PRAG1: variants seen among roughly 807,000 people sequenced by gnomAD.
The protein encoded by PRAG1 is PEAK1 related, kinase-activating pseudokinase 1, also known as inactive tyrosine-protein kinase PRAG1.
In PRAG1, 110 loss-of-function variants were observed where a neutral mutation model predicts 95.6. The ratio of observed to expected loss-of-function variants is 1.15; its 90% CI spans 0.99 to 1.35. PRAG1 has a LOEUF of 1.35. PRAG1 is among the 40% of genes most tolerant of loss of function. PRAG1 has a pLI of 0.00. For synonymous variants in PRAG1, 1,052 were observed against 819.4 expected (o/e 1.28, Z -4.85); for missense variants, 2,554 against 1,864.7 (o/e 1.37, Z -6.81).
intron 3 of PRAG1, among the ~76,000 whole-genome samples, chr8:8,363,333 G>T (rs756643296): frequency 6.6e-6 from 1 of 152,086 alleles, no homozygotes; most frequent in Non-Finnish European, 1.5e-5. Context: ...GACCAAATAT[G>T]TATTTCACAA....
Position 8,378,013 on chromosome 8 carries a change from G to T in PRAG1, c.396C>A (p.Tyr132Ter), listed in dbSNP as rs55993234. Residue 132 changes from tyrosine (Y) to a stop codon, truncating the protein, a stop_gained, in exon 3 of 6, where the codon TAC (tyrosine) becomes TAA (stop). Coordinates refer to ENST00000615670, the MANE Select transcript of PRAG1 (RefSeq NM_001080826.3). LOFTEE classifies it high-confidence loss of function. ...TCTGTACACCTCGGAAGCTGCCCAG[G>T]TAGACGACGGGGGCATCCTCCTGCT... ...LPKQEDAPVV[Y>*]LGSFRGVQKP... 5 of 1,590,052 alleles carry T rather than the reference G, an allele frequency of 3.1e-6. No homozygotes were observed. In the South Asian group the frequency reaches 4.6e-5, roughly 15 times the overall value.
intron 4 of PRAG1, 70 bp downstream of exon 4, chr8:8,339,408 C>G: frequency 6.5e-7 from 1 of 1,528,598 alleles, no homozygotes; most frequent in Non-Finnish European, 9.0e-7. Context: ...TCCAATCCCG[C>G]AAGCAACGCA....
intron 3 of PRAG1, among the ~76,000 whole-genome samples, chr8:8,345,141 C>T (rs1367329891): frequency 6.7e-6 from 1 of 150,034 alleles, no homozygotes; most frequent in Non-Finnish European, 1.5e-5. Context: ...ATCTTAGTTT[C>T]TAAGCCACAA....
intron 3 of PRAG1, among the ~76,000 whole-genome samples, chr8:8,364,825 G>C (rs918074108): frequency 4.6e-5 from 7 of 152,072 alleles, no homozygotes; most frequent in Non-Finnish European, 2.9e-5. Flanking sequence ...CTCAGACCCT[G>C]AACTGTAAGG....
intron 1 of PRAG1, among the ~76,000 whole-genome samples, chr8:8,383,073 C>G (rs1015982804): frequency 6.6e-6 from 1 of 152,172 alleles, no homozygotes; most frequent in Non-Finnish European, 1.5e-5. Flanking sequence ...GGTTTTCTCT[C>G]CACTTTCCTC....
intron 3 of PRAG1, among the ~76,000 whole-genome samples, chr8:8,374,249 G>A (rs184743322): frequency 7.2e-5 from 11 of 152,362 alleles, no homozygotes; most frequent in Non-Finnish European, 1.3e-4. Flanking sequence ...AGGGACTGGA[G>A]ACTCAGTCAC....
chr8:8,384,574 G>A (rs1438777338), intron 1 of PRAG1, among the ~76,000 whole-genome samples: 1 of 131,114 alleles, frequency 7.6e-6, no homozygotes, highest in Non-Finnish European at 1.5e-5. Flanking sequence ...TGGTTTCTCA[G>A]TCGCAGCAAA....
In PRAG1 at chr8:8,376,987, G is replaced by C. The variant is rs762948395; in HGVS notation, c.1422C>G (p.Ile474Met). 6.2e-7 allele frequency: 1 copy of C among 1,613,752 alleles called. No individual in the cohort carries two copies. Among genetic ancestry groups the C allele is most frequent in the South Asian group, 1.1e-5 (1 of 91,076 alleles). ...PDPTPQVSAT[I>M]TVMAAHPEED... ...CTTCCGGGTGGGCCGCCATGACTGT[G>C]ATGGTGGCTGACACCTGGGGAGTTG... is the stretch of plus-strand genomic sequence containing the variant. The change falls in exon 3 of 6, where the codon ATC becomes ATG. Residue 474 changes from isoleucine (I) to methionine (M), a missense_variant. By Grantham distance (10) the Ile-to-Met change is conservative. Transcript: ENST00000615670.
At chr8:8,355,040 C>CA (rs1421292271) in intron 3 of PRAG1, among the ~76,000 whole-genome samples, 3 of 150,754 alleles carry the variant, frequency 2.0e-5, no homozygotes, top group South Asian at 4.2e-4. Context: ...AGAATTCCAC[C>CA]AAAAAAAGAA....
chr8:8,340,722 T>C (rs1799134323), intron 3 of PRAG1, among the ~76,000 whole-genome samples: 1 of 152,244 alleles, frequency 6.6e-6, no homozygotes, highest in African/African-American at 2.4e-5. Context: ...GAATCCCCTG[T>C]GTATCAACAG....
intron 3 of PRAG1, among the ~76,000 whole-genome samples, chr8:8,350,895 AATGGATGGATGG>A (rs61665217): frequency 0.11 from 16,626 of 149,494 alleles, 1,021 homozygotes; most frequent in Middle Eastern, 0.15. Flanking sequence ...GTGCTCGTTA[AATGGATGGATGG>A]ATGGATGGAT....
intron 1 of PRAG1, among the ~76,000 whole-genome samples, chr8:8,386,025 A>G (rs2116961831): frequency 6.6e-6 from 1 of 152,262 alleles, no homozygotes; most frequent in East Asian, 1.9e-4. Flanking sequence ...AACCATCCTA[A>G]CAGTCGGTCC....
Position 8,372,438 on chromosome 8 carries a change from T to A in PRAG1, c.2162+3809A>T, listed in dbSNP as rs530254394. On this transcript the variant is annotated intron_variant, in intron 3 of 5. Transcript: ENST00000615670. Reference sequence around the variant, plus strand: ...ATCCTCATCTTATAATTCTGCCTTATATTGGGACAGGGGTGACCCAGAGAC... The same window carrying A: ...ATCCTCATCTTATAATTCTGCCTTAAATTGGGACAGGGGTGACCCAGAGAC... Among the ~76,000 whole-genome samples, 8 of 152,372 alleles carry A rather than the reference T, an allele frequency of 5.3e-5. No homozygotes were observed. In the East Asian group the frequency reaches 1.5e-3, roughly 29 times the overall value.
chr8:8,370,655 G>A (rs1039930223), intron 3 of PRAG1, among the ~76,000 whole-genome samples: 1 of 152,270 alleles, frequency 6.6e-6, no homozygotes, highest in South Asian at 2.1e-4. Context: ...TGTGGACACT[G>A]GAGACAAACA....
At chr8:8,366,335 C>T (rs935772215) in intron 3 of PRAG1, among the ~76,000 whole-genome samples, 10 of 137,788 alleles carry the variant, frequency 7.3e-5, no homozygotes, top group African/African-American at 2.4e-4. Context: ...TTTTTTGAGA[C>T]GGAGTTTCAC....
intron 3 of PRAG1, among the ~76,000 whole-genome samples, chr8:8,351,516 T>A (rs1405444188): frequency 1.3e-5 from 2 of 152,136 alleles, no homozygotes; most frequent in Non-Finnish European, 2.9e-5. Context: ...ACTACAACAT[T>A]TAAAAGATCT....
chr8:8,382,141 G>T (rs776980195), intron 1 of PRAG1, among the ~76,000 whole-genome samples: 14 of 151,956 alleles, frequency 9.2e-5, no homozygotes, highest in Admixed American at 2.0e-4. Context: ...GTTTTGGGCA[G>T]TTATGGGAAG....
chr8:8,351,358 CT>C (rs1483518153), intron 3 of PRAG1, among the ~76,000 whole-genome samples: 1 of 152,278 alleles, frequency 6.6e-6, no homozygotes, highest in African/African-American at 2.4e-5. Flanking sequence ...CAGACCCCAT[CT>C]CCAATATTCG....
intron 5 of PRAG1, among the ~76,000 whole-genome samples, chr8:8,321,109 AT>A (rs1220955059): frequency 1.3e-5 from 2 of 152,104 alleles, no homozygotes; most frequent in Non-Finnish European, 2.9e-5. Context: ...CTCGGTTTTT[AT>A]TTTTTACTTT....
Sources: gnomAD v4.1 joint callset for allele counts (sites outside exome capture counted in the v4.1 genomes callset) on GRCh38, gnomAD v4.1.1 for gene constraint, MANE v1.5 for transcripts, NCBI Gene and HGNC (gene_info 2026-07-23, HGNC 2026-07-21) for gene names.